CACNA1A: variants seen among roughly 807,000 people sequenced by gnomAD.
CACNA1A encodes calcium voltage-gated channel subunit alpha1 A.
Under a neutral mutation model 262.4 loss-of-function variants are expected in CACNA1A, and 57 were observed. The ratio of observed to expected loss-of-function variants is 0.22; its 90% CI spans 0.18 to 0.27. The LOEUF is 0.27. CACNA1A is among the 10% of genes least tolerant of loss of function. The pLI is 1.00. For synonymous variants in CACNA1A, 1,431 were observed against 1,419.3 expected (o/e 1.01, Z -0.18); for missense variants, 2,526 against 3,562.8 (o/e 0.71, Z 7.41).
At position 13,427,617 on chromosome 19, in the gene CACNA1A, A is replaced by ATC. The variant is rs201525275; in HGVS notation, c.539+25257_539+25258dup. 4.0e-3 allele frequency among the ~76,000 whole-genome samples: 606 copies of ATC among 151,900 alleles called. 3 individuals carry two copies. Among genetic ancestry groups the ATC allele is most frequent in the African/African-American group, 0.014 (585 of 41,412 alleles). On this transcript the variant is annotated intron_variant, in intron 3 of 46. Coordinates refer to ENST00000360228, the MANE Select transcript of CACNA1A (RefSeq NM_001127222.2). ...AGTTACTTCCTCTCTCTATGCTTTGATCTCTCTCTCTCCATAAAATGTGGA... is the reference window on the plus strand; with the variant it reads ...AGTTACTTCCTCTCTCTATGCTTTGATCTCTCTCTCTCTCCATAAAATGTGGA...
Position 13,286,524 on chromosome 19 carries a change from G to A in CACNA1A, c.3532C>T (p.Leu1178Phe), listed in dbSNP as rs556266465. The change falls in exon 20 of 47, where the codon CTC (leucine) becomes TTC (phenylalanine). Residue 1178 changes from leucine (L) to phenylalanine (F), a missense_variant. Leu to Phe is a conservative substitution (Grantham distance 22). Transcript: ENST00000360228. Reference sequence around the variant, plus strand: ...TCACCTTGTACGACGGTGTGGTTGAGGGGGGGTGGGCAGGCTGGGGGGATG... The same window carrying A: ...TCACCTTGTACGACGGTGTGGTTGAAGGGGGGTGGGCAGGCTGGGGGGATG... ...VDIPPACPPP[L>F]NHTVVQVNKN... The A allele has an allele frequency of 7.5e-6, 11 of 1,469,884 alleles. No homozygotes were observed. The highest frequency in any genetic ancestry group is 9.2e-6 in the Non-Finnish European group (10 of 1,091,360). The allele number at this position is 1,469,884 out of a possible 1,614,324, so 91.1% of individuals were successfully genotyped here. A position where few individuals can be genotyped will look rare whatever the true frequency, so the allele number is the denominator to read the frequency against.
chr19:13,496,131 C>T (rs746360935), intron 1 of CACNA1A, among the ~76,000 whole-genome samples: 1 of 152,084 alleles, frequency 6.6e-6, no homozygotes, highest in African/African-American at 2.4e-5. Context: ...GCCTCCATCC[C>T]CTCTAAACCA....
At chr19:13,347,578 C>A (rs1481108799) in intron 6 of CACNA1A, among the ~76,000 whole-genome samples, 1 of 152,150 alleles carries the variant, frequency 6.6e-6, no homozygotes, top group Non-Finnish European at 1.5e-5. Flanking sequence ...CTTTATCTGT[C>A]GTTACTTTCA....
chr19:13,251,318 C>T (rs554469346), intron 30 of CACNA1A, among the ~76,000 whole-genome samples: 12 of 151,828 alleles, frequency 7.9e-5, no homozygotes, highest in Admixed American at 3.3e-4. Context: ...CCCATCTCTA[C>T]TAAAAATACA....
chr19:13,343,405 T>C (rs1388705001), intron 6 of CACNA1A, among the ~76,000 whole-genome samples: 1 of 152,138 alleles, frequency 6.6e-6, no homozygotes, highest in Non-Finnish European at 1.5e-5. Flanking sequence ...ATTACAGGCA[T>C]GAGCCACTGC....
chr19:13,214,363 A>G lies in CACNA1A; in HGVS notation c.5840-30T>C. ...GGGCACACACACGGTGAGCTCACCA[A>G]GGGCAGGCCTCTTTGGGGCCCTTGT... On this transcript the variant is annotated intron_variant, in intron 39 of 46. Transcript: ENST00000360228. The surrounding 1 kb of genome is among the most constrained non-coding windows in gnomAD (Gnocchi z 4.1). 1.2e-6 allele frequency: 2 copies of G among 1,606,864 alleles called. No individual in the cohort carries two copies. The highest frequency in any genetic ancestry group is 1.7e-6 in the Non-Finnish European group (2 of 1,175,070).
chr19:13,410,143 T>G (rs1184115097), intron 3 of CACNA1A, among the ~76,000 whole-genome samples: 1 of 152,126 alleles, frequency 6.6e-6, no homozygotes, highest in Non-Finnish European at 1.5e-5. Context: ...AGAGATGTCC[T>G]CCTGACACTC....
intron 1 of CACNA1A, among the ~76,000 whole-genome samples, chr19:13,468,383 G>C (rs1369486230): frequency 6.6e-6 from 1 of 152,074 alleles, no homozygotes; most frequent in African/African-American, 2.4e-5. Flanking sequence ...ACTCTACCAA[G>C]GGGGAATCCT....
At chr19:13,315,001 T>C (rs916311341) in intron 11 of CACNA1A, among the ~76,000 whole-genome samples, 2 of 152,098 alleles carry the variant, frequency 1.3e-5, no homozygotes, top group Non-Finnish European at 2.9e-5. Flanking sequence ...GGAAACATGA[T>C]AGCAGGTGAT....
intron 22 of CACNA1A, among the ~76,000 whole-genome samples, chr19:13,281,512 G>T (rs1216557261): frequency 6.6e-6 from 1 of 152,082 alleles, no homozygotes; most frequent in African/African-American, 2.4e-5. Context: ...ATTTGGGTCT[G>T]GATCATCCTC....
At chr19:13,251,219 C>A (rs1208971753) in intron 30 of CACNA1A, among the ~76,000 whole-genome samples, 1 of 151,760 alleles carries the variant, frequency 6.6e-6, no homozygotes, top group Non-Finnish European at 1.5e-5. Context: ...TGCGGTGGCT[C>A]CCGCCTGTAA....
At chr19:13,465,258 G>A (rs571760881) in intron 1 of CACNA1A, among the ~76,000 whole-genome samples, 58 of 152,148 alleles carry the variant, frequency 3.8e-4, no homozygotes, top group African/African-American at 1.3e-3. Context: ...AGGAGGGAGG[G>A]AAGGGACAAT....
intron 3 of CACNA1A, among the ~76,000 whole-genome samples, chr19:13,424,614 C>T (rs2060370316): frequency 6.6e-6 from 1 of 151,856 alleles, no homozygotes; most frequent in South Asian, 2.1e-4. Flanking sequence ...TAGAGGTATG[C>T]CTGCACCATC....
chr19:13,493,287 T>G (rs1278870879), intron 1 of CACNA1A, among the ~76,000 whole-genome samples: 1 of 152,160 alleles, frequency 6.6e-6, no homozygotes, highest in African/African-American at 2.4e-5. Flanking sequence ...ACCCATGACA[T>G]CGATTACATC....
rs1400409952 is a variant in CACNA1A at position 13,278,478 on chromosome 19, TC to T, written c.3823-1351del. Among the ~76,000 whole-genome samples, 4 of 152,182 alleles carry T rather than the reference TC, an allele frequency of 2.6e-5. No individual in the cohort carries two copies. In the East Asian group the frequency reaches 7.7e-4, roughly 29 times the overall value. ...CAAATAACACTTTCCCAGTGAGGAC[TC>T]CCCTGACCGGCTGTTTAAATTCCAT... On this transcript the variant is annotated intron_variant, in intron 22 of 46. Transcript: ENST00000360228.
chr19:13,453,872 C>T (rs555500704), intron 2 of CACNA1A, among the ~76,000 whole-genome samples: 13 of 152,154 alleles, frequency 8.5e-5, no homozygotes, highest in South Asian at 2.1e-4. Flanking sequence ...TTTCAATGGA[C>T]GCTTTTTATT....
intron 6 of CACNA1A, among the ~76,000 whole-genome samples, chr19:13,350,840 C>CA (rs968659891): frequency 9.2e-5 from 14 of 152,128 alleles, no homozygotes; most frequent in African/African-American, 3.4e-4. Context: ...ATGTCTCTAC[C>CA]AAAAAAATAC....
rs560279090 is a variant in CACNA1A at position 13,498,133 on chromosome 19, T to C, written c.293+7799A>G. ...CCCACACACACCATGCCCATCATTC[T>C]CAATAAAGAAGATAATAAAGATCAT... is the stretch of plus-strand genomic sequence containing the variant. On this transcript the variant is annotated intron_variant, in intron 1 of 46. Coordinates refer to ENST00000360228, the MANE Select transcript of CACNA1A (RefSeq NM_001127222.2). Among the ~76,000 whole-genome samples, 12 of 151,992 alleles carry C rather than the reference T, an allele frequency of 7.9e-5. No homozygotes were observed. In the East Asian group the frequency reaches 2.3e-3, roughly 29 times the overall value.
At chr19:13,365,501 C>T in intron 4 of CACNA1A, 32 bp from the exon 5 acceptor site, 1 of 1,604,550 alleles carries the variant, frequency 6.2e-7, no homozygotes, top group East Asian at 2.2e-5. Flanking sequence ...CCCCATAAGC[C>T]CATGAGCAAG....
Sources: gnomAD v4.1 joint callset for allele counts (sites outside exome capture counted in the v4.1 genomes callset) on GRCh38, gnomAD v4.1.1 for gene constraint, Gnocchi (gnomAD v3.1) non-coding constraint, MANE v1.5 for transcripts, NCBI Gene and HGNC (gene_info 2026-07-23, HGNC 2026-07-21) for gene names.